NPAS3: variants seen among roughly 807,000 people sequenced by gnomAD.
The protein encoded by NPAS3 is neuronal PAS domain-containing protein 3.
NPAS3 carries 14 observed loss-of-function variants against 73.1 expected under a neutral mutation model. The observed-to-expected ratio is 0.19, with a 90% CI of 0.13 to 0.30. The LOEUF (loss-of-function observed/expected upper bound fraction) is 0.30, where lower values mean the gene tolerates loss of function less well. Ranked by LOEUF, NPAS3 falls within the 10% of genes least tolerant of loss-of-function variation. The pLI is 1.00. For synonymous variants in NPAS3, 620 were observed against 541.5 expected, an observed-to-expected ratio of 1.14 and a Z score of -2.01; for missense variants, 1,096 against 1,250.0, an observed-to-expected ratio of 0.88 and a Z score of 1.86.
chr14:33,298,530 T>A (rs769701222), intron 3 of NPAS3, among the ~76,000 whole-genome samples: 14 of 152,168 alleles, frequency 9.2e-5, no homozygotes, highest in African/African-American at 2.4e-5. Context: ...CCAGCTTACA[T>A]TTACATGAAT....
chr14:33,141,449 A>T (rs1040690065), intron 2 of NPAS3, among the ~76,000 whole-genome samples: 1 of 152,176 alleles, frequency 6.6e-6, no homozygotes, highest in Non-Finnish European at 1.5e-5. Context: ...TACTATGGAG[A>T]ATTTTAAAAG....
intron 3 of NPAS3, among the ~76,000 whole-genome samples, chr14:33,299,975 G>A (rs950088096): frequency 1.3e-5 from 2 of 152,148 alleles, no homozygotes; most frequent in Non-Finnish European, 2.9e-5. Flanking sequence ...CAAAACCGTA[G>A]TACAGAGGTT....
At chr14:33,212,248 G>T (rs917982129) in intron 2 of NPAS3, among the ~76,000 whole-genome samples, 7 of 152,030 alleles carry the variant, frequency 4.6e-5, no homozygotes, top group African/African-American at 1.7e-4. Flanking sequence ...TATTGCAGTT[G>T]CCCACAAAAC....
chr14:33,710,209 C>T (rs574904393), intron 6 of NPAS3, among the ~76,000 whole-genome samples: 15 of 152,284 alleles, frequency 9.9e-5, no homozygotes, highest in African/African-American at 2.2e-4. Flanking sequence ...GTGAGCAGAA[C>T]GCCAATTCCA....
At chr14:33,102,124 C>T (rs2042594938) in intron 2 of NPAS3, among the ~76,000 whole-genome samples, 1 of 152,124 alleles carries the variant, frequency 6.6e-6, no homozygotes, top group South Asian at 2.1e-4. Flanking sequence ...TTCCCTTCTC[C>T]AGTCTTGCCC....
chr14:33,280,850 A>G (rs766339675), intron 3 of NPAS3, among the ~76,000 whole-genome samples: 12 of 152,192 alleles, frequency 7.9e-5, no homozygotes, highest in African/African-American at 1.9e-4. Context: ...GAATTGTGCC[A>G]GGAGATACTC....
intron 5 of NPAS3, among the ~76,000 whole-genome samples, chr14:33,639,952 T>C (rs2058630435): frequency 6.6e-6 from 1 of 152,180 alleles, no homozygotes; most frequent in Non-Finnish European, 1.5e-5. Context: ...TCACAGTGAC[T>C]CACACCTGTA....
At chr14:33,437,638 G>A (rs187468328) in intron 4 of NPAS3, among the ~76,000 whole-genome samples, 1 of 152,288 alleles carries the variant, frequency 6.6e-6, no homozygotes. Context: ...ATTGAGCTGG[G>A]TTGAATAATA....
intron 3 of NPAS3, among the ~76,000 whole-genome samples, chr14:33,274,341 A>T (rs1169393137): frequency 6.6e-6 from 1 of 152,192 alleles, no homozygotes; most frequent in Non-Finnish European, 1.5e-5. Flanking sequence ...TGAATTTAAC[A>T]CCAGACATCT....
intron 1 of NPAS3, among the ~76,000 whole-genome samples, chr14:33,029,682 G>T (rs1269748657): frequency 6.6e-6 from 1 of 152,292 alleles, no homozygotes; most frequent in African/African-American, 2.4e-5. Context: ...TGATCAAATG[G>T]AGTTGGGTCT....
At chr14:33,359,212 A>G (rs2045480320) in intron 3 of NPAS3, among the ~76,000 whole-genome samples, 1 of 152,224 alleles carries the variant, frequency 6.6e-6, no homozygotes, top group Non-Finnish European at 1.5e-5. Context: ...TTTCTCCCAC[A>G]GAAACATAAG....
At chr14:33,705,870 T>A (rs1378058801) in intron 6 of NPAS3, among the ~76,000 whole-genome samples, 1 of 152,228 alleles carries the variant, frequency 6.6e-6, no homozygotes, top group African/African-American at 2.4e-5. Flanking sequence ...GGAAATCAAA[T>A]CATCTGTCAA....
intron 2 of NPAS3, among the ~76,000 whole-genome samples, chr14:33,056,895 A>T (rs1050879352): frequency 6.6e-6 from 1 of 152,214 alleles, no homozygotes; most frequent in African/African-American, 2.4e-5. Context: ...TACTTTGCAA[A>T]TATACTTTGT....
At chr14:33,454,093 C>T (rs1380164802) in intron 4 of NPAS3, among the ~76,000 whole-genome samples, 1 of 152,168 alleles carries the variant, frequency 6.6e-6, no homozygotes, top group Non-Finnish European at 1.5e-5. Context: ...CTTCCTTTAG[C>T]CTAGATTTCT....
chr14:33,459,143 G>A (rs899781828), intron 4 of NPAS3, among the ~76,000 whole-genome samples: 1 of 152,118 alleles, frequency 6.6e-6, no homozygotes, highest in African/African-American at 2.4e-5. Context: ...TAGCAGTGAG[G>A]ACGACCAGAG....
intron 6 of NPAS3, among the ~76,000 whole-genome samples, chr14:33,692,038 A>C (rs1489593207): frequency 6.6e-6 from 1 of 152,162 alleles, no homozygotes; most frequent in Non-Finnish European, 1.5e-5. Flanking sequence ...GAGCCCGGAG[A>C]GGGAATCCAG....
At chr14:33,539,174 G>A (rs1595112072) in intron 4 of NPAS3, among the ~76,000 whole-genome samples, 1 of 152,072 alleles carries the variant, frequency 6.6e-6, no homozygotes, top group South Asian at 2.1e-4. Context: ...CATGGGCTGA[G>A]CCAGATGGAA....
At chr14:33,408,170 G>T (rs561955606) in intron 4 of NPAS3, among the ~76,000 whole-genome samples, 1 of 152,228 alleles carries the variant, frequency 6.6e-6, no homozygotes, top group East Asian at 1.9e-4. Context: ...ATCAGTACTA[G>T]ATGGTCCTCA....
chr14:33,440,709 A>G (rs1325753069), intron 4 of NPAS3, among the ~76,000 whole-genome samples: 1 of 152,136 alleles, frequency 6.6e-6, no homozygotes, highest in Admixed American at 6.5e-5. Context: ...CCTGGCCAAC[A>G]TTGCAAAACT....
Sources: gnomAD v4.1 joint callset for allele counts (sites outside exome capture counted in the v4.1 genomes callset) on GRCh38, gnomAD v4.1.1 for gene constraint, MANE v1.5 for transcripts, NCBI Gene and HGNC (gene_info 2026-07-23, HGNC 2026-07-21) for gene names.